The following VPS13C variants were observed in gnomAD, a reference collection of about 807,000 sequenced individuals.
VPS13C encodes the protein intermembrane lipid transfer protein VPS13C.
Under a neutral mutation model 456.8 loss-of-function variants are expected in VPS13C, and 358 were observed. That is an observed-to-expected ratio of 0.78 (90% confidence interval 0.72 to 0.86). The LOEUF is 0.86. VPS13C is among the 40% of genes least tolerant of loss of function. The probability of loss-of-function intolerance (pLI) is 0.00; values close to 1 mark genes in which losing one functional copy is unlikely to be tolerated. For missense variants in VPS13C, 4,818 were observed against 4,385.4 expected (o/e 1.10, Z -2.79); for synonymous variants, 1,578 against 1,486.7 (o/e 1.06, Z -1.41).
chr15:61,885,964 C>G (rs1288133679), intron 67 of VPS13C, among the ~76,000 whole-genome samples: 1 of 152,128 alleles, frequency 6.6e-6, no homozygotes, highest in East Asian at 1.9e-4. Flanking sequence ...GGAAACCACT[C>G]AATATCATTT....
intron 10 of VPS13C, 82 bp from the exon 11 acceptor site, chr15:62,013,201 C>T (rs941348924): frequency 1.8e-4 from 184 of 1,012,336 alleles, no homozygotes; most frequent in Non-Finnish European, 1.9e-4. Context: ...CTCATGTTCA[C>T]CACTCCAAAA....
intron 81 of VPS13C, chr15:61,866,532 G>T: frequency 5.1e-6 from 5 of 985,060 alleles, no homozygotes; most frequent in Non-Finnish European, 6.0e-6. Flanking sequence ...AGAATCTCAG[G>T]AAGGGTAACT....
intron 1 of VPS13C, among the ~76,000 whole-genome samples, chr15:62,051,133 T>C (rs35057371): frequency 0.059 from 9,028 of 152,144 alleles, 476 homozygotes; most frequent in East Asian, 0.21. Context: ...AGAAATAATC[T>C]CTCTAAACTT....
chr15:61,881,442 A>C, intron 71 of VPS13C, 121 bp downstream of exon 71: 1 of 967,126 alleles, frequency 1.0e-6, no homozygotes, highest in Non-Finnish European at 1.5e-6. Flanking sequence ...AAAGTGAATT[A>C]ATAGGTTCAG....
At chr15:61,893,829 T>A (rs2042723739) in intron 66 of VPS13C, among the ~76,000 whole-genome samples, 1 of 152,036 alleles carries the variant, frequency 6.6e-6, no homozygotes, top group Admixed American at 6.6e-5. Context: ...TGTCATTTGT[T>A]TAAAATAATG....
chr15:61,856,694 T>C (rs892091669), intron 82 of VPS13C: 7 of 206,530 alleles, frequency 3.4e-5, no homozygotes, highest in Non-Finnish European at 5.6e-5. Context: ...TTTCTTTTTT[T>C]TTTTTTTTTT....
intron 1 of VPS13C, among the ~76,000 whole-genome samples, chr15:62,049,935 T>C (rs984323372): frequency 3.9e-5 from 6 of 152,192 alleles, no homozygotes; most frequent in African/African-American, 1.4e-4. Flanking sequence ...ATGCTTGTGA[T>C]TTTTGCACAT....
At chr15:61,919,961 T>C (rs752890580) in intron 57 of VPS13C, 106 bp downstream of exon 57, 172 of 1,122,306 alleles carry the variant, frequency 1.5e-4, no homozygotes, top group Non-Finnish European at 2.0e-4. Context: ...GTTTCAAATG[T>C]TGTATCTCCA....
chr15:61,974,920 T>A (rs754807311), intron 24 of VPS13C, among the ~76,000 whole-genome samples: 2 of 152,180 alleles, frequency 1.3e-5, no homozygotes, highest in Middle Eastern at 3.2e-3. Context: ...TGTGCTTTTA[T>A]CAGTTGCTTA....
At chr15:61,956,901 G>A (rs2045020909) in intron 37 of VPS13C, among the ~76,000 whole-genome samples, 2 of 152,056 alleles carry the variant, frequency 1.3e-5, no homozygotes, top group South Asian at 2.1e-4. Flanking sequence ...TTTGGCACAA[G>A]TTACTGAAGC....
intron 6 of VPS13C, among the ~76,000 whole-genome samples, chr15:62,026,216 A>C (rs1460683125): frequency 1.3e-5 from 2 of 151,518 alleles, no homozygotes; most frequent in African/African-American, 4.8e-5. Context: ...TGGAATCTGA[A>C]ACCCTATCAA....
chr15:61,967,976 T>C (rs1227471319), intron 28 of VPS13C, among the ~76,000 whole-genome samples: 2 of 152,044 alleles, frequency 1.3e-5, no homozygotes, highest in East Asian at 1.9e-4. Flanking sequence ...TTCTTTTAAC[T>C]CTTGCTTCTG....
At chr15:61,981,079 A>G (rs1382845902) in intron 22 of VPS13C, among the ~76,000 whole-genome samples, 1 of 152,206 alleles carries the variant, frequency 6.6e-6, no homozygotes, top group East Asian at 1.9e-4. Flanking sequence ...AAAACTACGA[A>G]TGCTTCTTTC....
At chr15:61,930,015 G>T (rs917293307) in intron 50 of VPS13C, among the ~76,000 whole-genome samples, 5 of 151,632 alleles carry the variant, frequency 3.3e-5, no homozygotes, top group Admixed American at 2.0e-4. Flanking sequence ...TGCAATTTTT[G>T]AGTATTACAT....
chr15:61,977,035 A>G (rs372996052), intron 24 of VPS13C, 47 bp downstream of exon 24: 151 of 1,326,996 alleles, frequency 1.1e-4, no homozygotes, highest in Non-Finnish European at 1.6e-4. Context: ...TGATGCAGAC[A>G]TATTTCACCT....
At chr15:61,919,033 ATT>A (rs1258624189) in intron 58 of VPS13C, among the ~76,000 whole-genome samples, 1 of 152,160 alleles carries the variant, frequency 6.6e-6, no homozygotes, top group Non-Finnish European at 1.5e-5. Flanking sequence ...TTAATTTTGC[ATT>A]TGTCTTAAAA....
intron 24 of VPS13C, among the ~76,000 whole-genome samples, chr15:61,975,612 G>C (rs1263923472): frequency 6.6e-6 from 1 of 151,964 alleles, no homozygotes; most frequent in Non-Finnish European, 1.5e-5. Context: ...CTATATCTAT[G>C]AAAAAACATG....
intron 24 of VPS13C, among the ~76,000 whole-genome samples, chr15:61,976,743 TCC>T (rs1797571040): frequency 1.3e-5 from 2 of 152,050 alleles, no homozygotes; most frequent in Non-Finnish European, 2.9e-5. Context: ...TATTTTTATG[TCC>T]TTTGATTTTT....
chr15:61,960,891 C>T (rs899893689), intron 35 of VPS13C, among the ~76,000 whole-genome samples: 2 of 152,076 alleles, frequency 1.3e-5, no homozygotes, highest in Non-Finnish European at 2.9e-5. Flanking sequence ...GCCTGGCCAA[C>T]ATGGTGAAAC....
Sources: allele counts gnomAD v4.1 joint callset (sites outside exome capture counted in the v4.1 genomes callset), GRCh38; gene constraint gnomAD v4.1.1; transcripts MANE v1.5; gene names NCBI Gene and HGNC (gene_info 2026-07-23, HGNC 2026-07-21).